The following DMXL2 variants were observed in gnomAD, a reference collection of about 807,000 sequenced individuals.
The protein encoded by DMXL2 is dmX-like protein 2.
A neutral mutation model predicts 331.1 loss-of-function variants in DMXL2; 103 were observed. The observed-to-expected ratio is 0.31, with a 90% CI of 0.27 to 0.37. The LOEUF is 0.37. DMXL2 is among the 10% of genes least tolerant of loss of function. The pLI is 1.00. For missense variants in DMXL2, 3,171 were observed against 3,642.9 expected (o/e 0.87, Z 3.33); for synonymous variants, 1,281 against 1,252.1 (o/e 1.02, Z -0.49).
Position 51,546,998 on chromosome 15 carries a change from T to C in DMXL2, c.746+232A>G, listed in dbSNP as rs549602143. ...CTACATTTTAGTTTCACAGTAACTC[T>C]CTGAGGTAGGTACTATTACTACCCT... On this transcript the variant is annotated intron_variant, in intron 7 of 43. Coordinates refer to ENST00000560891, the MANE Select transcript of DMXL2 (RefSeq NM_001378457.1). Among the ~76,000 whole-genome samples the C allele has an allele frequency of 6.6e-5, 10 of 152,194 alleles. No individual in the cohort carries two copies. The South Asian group carries it at 1.9e-3, about 28-fold the overall frequency.
chr15:51,488,403 C>A, intron 21 of DMXL2, 145 bp downstream of exon 21: 1 of 769,274 alleles, frequency 1.3e-6, no homozygotes, highest in South Asian at 1.8e-5. Flanking sequence ...ATATTTTACC[C>A]ATTTTTTTCA....
intron 20 of DMXL2, among the ~76,000 whole-genome samples, chr15:51,489,490 CTACTAA>C (rs2042636672): frequency 6.6e-6 from 1 of 152,066 alleles, no homozygotes; most frequent in Non-Finnish European, 1.5e-5. Flanking sequence ...AACCCCGTCT[CTACTAA>C]TACTACAAAA....
rs868082070 is a variant in DMXL2, at chr15:51,499,126, G to T, written c.4098C>A (p.Ala1366=). Reference sequence around the variant, plus strand: ...TACATTTTACTAAATGAGAGAGAATGGCTTTAGCCCTTCGCACTTTCCCTA... The same window carrying T: ...TACATTTTACTAAATGAGAGAGAATTGCTTTAGCCCTTCGCACTTTCCCTA... The part of the protein sequence containing the change: ...MDLGKVRRAK[A]ILSHLVKCIA... Residue 1366 remains alanine, a synonymous_variant, in exon 18 of 44, where the codon GCC becomes GCA. Coordinates refer to ENST00000560891, the MANE Select transcript of DMXL2 (RefSeq NM_001378457.1). 6.2e-7 allele frequency: 1 copy of T among 1,614,094 alleles called. No homozygotes were observed. Among genetic ancestry groups the T allele is most frequent in the African/African-American group, 1.3e-5 (1 of 75,044 alleles).
chr15:51,503,832 C>T lies in DMXL2; in HGVS notation c.2765-799G>A, dbSNP rs149021747. On this transcript the variant is annotated intron_variant, in intron 16 of 43. Transcript: ENST00000560891. ...AAATATCACATGTACGCCATAAATACGTATAATTATTATGCATCAATAAAT... is the reference window on the plus strand; with the variant it reads ...AAATATCACATGTACGCCATAAATATGTATAATTATTATGCATCAATAAAT... 2.2e-3 allele frequency among the ~76,000 whole-genome samples: 336 copies of T among 152,030 alleles called. 3 individuals carry two copies. Among genetic ancestry groups the T allele is most frequent in the African/African-American group, 7.7e-3 (321 of 41,466 alleles).
intron 22 of DMXL2, 148 bp from the exon 23 acceptor site, chr15:51,486,485 G>A (rs761582486): frequency 3.2e-6 from 2 of 624,352 alleles, no homozygotes; most frequent in Non-Finnish European, 5.3e-6. Context: ...ATTGATAGGA[G>A]ATTAAAGAAT....
chr15:51,583,106 CTTTTT>C (rs57226377), intron 1 of DMXL2, among the ~76,000 whole-genome samples: 5 of 87,194 alleles, frequency 5.7e-5, no homozygotes, highest in East Asian at 3.0e-4. Flanking sequence ...CTTCATTCTT[CTTTTT>C]TTTTTTTTTC....
intron 6 of DMXL2, among the ~76,000 whole-genome samples, chr15:51,558,991 A>G (rs1709945176): frequency 6.6e-6 from 1 of 152,136 alleles, no homozygotes. Context: ...CTACGAGGAA[A>G]GTTATTATAG....
chr15:51,457,363 G>T lies in DMXL2; in HGVS notation c.8302C>A (p.Leu2768Met). Residue 2768 changes from leucine (L) to methionine (M), a missense_variant, in exon 37 of 44, where the codon CTG becomes ATG. Coordinates refer to ENST00000560891, the MANE Select transcript of DMXL2 (RefSeq NM_001378457.1). ...QVHPPSSLPWLGTGQTSTGAS... is the reference protein window; with the variant it reads ...QVHPPSSLPWMGTGQTSTGAS... ...CCAGTGCTAGTCTGTCCAGTGCCCA[G>T]CCATGGCAGAGATGAAGGTGGATGC... 6.2e-7 allele frequency: 1 copy of T among 1,614,184 alleles called. No individual in the cohort carries two copies. Among genetic ancestry groups the T allele is most frequent in the African/African-American group, 1.3e-5 (1 of 75,046 alleles).
In DMXL2 at chr15:51,498,894, T is replaced by C; in HGVS notation, c.4330A>G (p.Arg1444Gly). ...ATCTTTGTACTTTCTTCTGAAATTC[T>C]GTAGGATGTATCTTGATCTGCAGCA... ...LLAADQDTSY[R>G]ISEESTKIPQ... is the part of the protein sequence containing the mutation. The change falls in exon 18 of 44, where the codon AGA becomes GGA. Residue 1444 changes from arginine to glycine, a missense_variant. By Grantham distance (125) the Arg-to-Gly change is moderately radical (BLOSUM62 -2). Coordinates refer to ENST00000560891, the MANE Select transcript of DMXL2 (RefSeq NM_001378457.1). 1 of 1,614,178 alleles carries C rather than the reference T, an allele frequency of 6.2e-7. No individual in the cohort carries two copies. The highest frequency in any genetic ancestry group is 1.1e-5 in the South Asian group (1 of 91,088).
intron 23 of DMXL2, among the ~76,000 whole-genome samples, chr15:51,483,315 G>T (rs1197805547): frequency 6.6e-6 from 1 of 152,174 alleles, no homozygotes; most frequent in Non-Finnish European, 1.5e-5. Flanking sequence ...TGGGGGCCAG[G>T]AGTCACTGTA....
intron 13 of DMXL2, among the ~76,000 whole-genome samples, chr15:51,533,293 T>A (rs1468834607): frequency 6.6e-6 from 1 of 152,100 alleles, no homozygotes; most frequent in Non-Finnish European, 1.5e-5. Context: ...AGTGCTTGGA[T>A]TACAGGTGTG....
chr15:51,583,138 T>A (rs1280238095), intron 1 of DMXL2, among the ~76,000 whole-genome samples: 25 of 127,472 alleles, frequency 2.0e-4, no homozygotes, highest in East Asian at 1.7e-3. Flanking sequence ...TTTTTTTTTT[T>A]ATTATACTCT....
intron 39 of DMXL2, among the ~76,000 whole-genome samples, chr15:51,455,617 T>C (rs2039556470): frequency 6.6e-6 from 1 of 152,200 alleles, no homozygotes; most frequent in African/African-American, 2.4e-5. Flanking sequence ...TCTCAAATGC[T>C]GGAGTTCAAG....
intron 29 of DMXL2, among the ~76,000 whole-genome samples, chr15:51,470,045 G>C (rs10220907): frequency 0.023 from 3,473 of 152,270 alleles, 125 homozygotes; most frequent in African/African-American, 0.069. Context: ...AGGGGTCTGA[G>C]GGAAGACCCA....
chr15:51,564,519 C>G (rs1318070056), intron 4 of DMXL2, among the ~76,000 whole-genome samples: 3 of 151,650 alleles, frequency 2.0e-5, no homozygotes, highest in Admixed American at 6.6e-5. Context: ...TCAAGCAAGT[C>G]AAAAAAACTA....
intron 28 of DMXL2, among the ~76,000 whole-genome samples, chr15:51,473,086 T>C (rs1457242989): frequency 6.6e-6 from 1 of 152,224 alleles, no homozygotes; most frequent in East Asian, 1.9e-4. Context: ...TTCATCTGCC[T>C]GGAATGCTCT....
intron 6 of DMXL2, among the ~76,000 whole-genome samples, chr15:51,562,306 G>C (rs1484253552): frequency 1.3e-5 from 2 of 151,888 alleles, no homozygotes; most frequent in Non-Finnish European, 2.9e-5. Flanking sequence ...CTATGCCCGA[G>C]AAAATCAAGC....
intron 15 of DMXL2, among the ~76,000 whole-genome samples, chr15:51,509,485 C>T (rs1378129422): frequency 6.6e-6 from 1 of 152,204 alleles, no homozygotes; most frequent in Non-Finnish European, 1.5e-5. Flanking sequence ...TGGACACATA[C>T]ACCCTCCAAA....
chr15:51,484,283 A>G (rs2140390660), intron 23 of DMXL2, among the ~76,000 whole-genome samples: 1 of 152,342 alleles, frequency 6.6e-6, no homozygotes, highest in African/African-American at 2.4e-5. Context: ...TGGCCAGAGT[A>G]ACAGACCTGT....
Sources: allele counts gnomAD v4.1 joint callset (sites outside exome capture counted in the v4.1 genomes callset), GRCh38; gene constraint gnomAD v4.1.1; transcripts MANE v1.5; gene names NCBI Gene and HGNC (gene_info 2026-07-23, HGNC 2026-07-21).